Variants in AKR1E2 observed in about 807,000 individuals in gnomAD.
AKR1E2 encodes the protein aldo-keto reductase family 1 member E2.
AKR1E2 carries 43 observed loss-of-function variants against 41.9 expected under a neutral mutation model. The ratio of observed to expected loss-of-function variants is 1.03; its 90% CI spans 0.80 to 1.32. The LOEUF (loss-of-function observed/expected upper bound fraction) is 1.32. Ranked by LOEUF, AKR1E2 falls within the 40% of genes most tolerant of loss-of-function variation. AKR1E2 has a pLI of 0.00. For missense variants in AKR1E2, 423 were observed against 396.5 expected (o/e 1.07, Z -0.57); for synonymous variants, 121 against 138.9 (o/e 0.87, Z 0.91).
chr10:4,839,580 C>T lies in AKR1E2; in HGVS notation c.583-149C>T, dbSNP rs1240822132. The T allele has an allele frequency of 5.8e-6, 4 of 687,860 alleles. No homozygotes were observed. The Admixed American group carries it at 8.7e-5, about 15-fold the overall frequency. The allele number at this position is 687,860 out of a possible 1,614,324, so 42.6% of individuals were successfully genotyped here. A position where few individuals can be genotyped will look rare whatever the true frequency, so the allele number is the denominator to read the frequency against. ...CTGGCCTCTTGGAGATTGCTCTGTC[C>T]AGACTCCTCACAACAGAAACACTTA... On this transcript the variant is annotated intron_variant, in intron 5 of 9. Transcript: ENST00000298375.
chr10:4,839,856 G>C (rs1479747557), intron 6 of AKR1E2, 30 bp downstream of exon 6: 2 of 1,587,178 alleles, frequency 1.3e-6, no homozygotes, highest in African/African-American at 2.7e-5. Context: ...GTGTTAGTCA[G>C]AGTCCGACTG....
the AKR1E2 span, among the ~76,000 whole-genome samples, chr10:4,866,807 C>T: frequency 6.6e-6 from 1 of 151,910 alleles, no homozygotes; most frequent in African/African-American, 2.4e-5. Context: ...GAGATGAAAT[C>T]ACAGGGAGTC....
the AKR1E2 span, among the ~76,000 whole-genome samples, chr10:4,869,310 T>C: frequency 6.6e-6 from 1 of 152,172 alleles, no homozygotes; most frequent in Non-Finnish European, 1.5e-5. Flanking sequence ...GAAGTGTATG[T>C]GTGGAGTTGT....
chr10:4,835,639 TTTG>T lies in AKR1E2; in HGVS notation c.325-33_325-31del, dbSNP rs761798706. The T allele has an allele frequency of 0.041, 66,255 of 1,604,926 alleles. 1,163 individuals carry two copies. Among genetic ancestry groups the T allele is most frequent in the East Asian group, 0.12 (5,249 of 44,580 alleles). Reference sequence around the variant, plus strand: ...CATGGTTTTTTTTGTTTTGTTTTGTTTTGTTTTCACACATCTCAACTCTCCTTC... The same window carrying T: ...CATGGTTTTTTTTGTTTTGTTTTGTTTTTTCACACATCTCAACTCTCCTTC... On this transcript the variant is annotated intron_variant, in intron 3 of 9. Coordinates refer to ENST00000298375, the MANE Select transcript of AKR1E2 (RefSeq NM_001040177.3).
the AKR1E2 span, among the ~76,000 whole-genome samples, chr10:4,863,594 A>C: frequency 6.6e-6 from 1 of 152,156 alleles, no homozygotes; most frequent in Non-Finnish European, 1.5e-5. Flanking sequence ...AGCAGAAGGC[A>C]AGAAATAACT....
At position 4,826,370 on chromosome 10, in the gene AKR1E2, C is replaced by T. The variant is rs1437526839; in HGVS notation, c.39+7C>T. 1 of 1,234,166 alleles carries T rather than the reference C, an allele frequency of 8.1e-7. No individual in the cohort carries two copies. Among genetic ancestry groups the T allele is most frequent in the Non-Finnish European group, 1.0e-6 (1 of 987,274 alleles). The allele number at this position is 1,234,166 out of a possible 1,614,324, so 76.5% of individuals were successfully genotyped here. A position where few individuals can be genotyped will look rare whatever the true frequency, so the allele number is the denominator to read the frequency against. On this transcript the variant is annotated splice_region_variant and intron_variant, in intron 1 of 9. Coordinates refer to ENST00000298375, the MANE Select transcript of AKR1E2 (RefSeq NM_001040177.3). ...GGGCCTCAGCTCCTGGAAGGTGACG[C>T]GGTCGCGGGCAGGGAGGCGCGCCTG...
chr10:4,847,092 C>T lies in AKR1E2; in HGVS notation c.838-56C>T, dbSNP rs1037232820. 1.3e-5 allele frequency: 20 copies of T among 1,593,676 alleles called. No homozygotes were observed. In the African/African-American group the frequency reaches 2.5e-4, roughly 20 times the overall value. On this transcript the variant is annotated intron_variant, in intron 8 of 9. Coordinates refer to ENST00000298375, the MANE Select transcript of AKR1E2 (RefSeq NM_001040177.3). The stretch of plus-strand genomic sequence containing the variant: ...CACTGTGCTATGTAGGTAACATGTG[C>T]TCCATTAAATGTGAATTAAACTAAG...
chr10:4,859,817 C>T, the AKR1E2 span, among the ~76,000 whole-genome samples: 1 of 152,168 alleles, frequency 6.6e-6, no homozygotes, highest in African/African-American at 2.4e-5. Flanking sequence ...ATAGACAGGT[C>T]AGCAGTGGCT....
At chr10:4,826,693 A>T (rs1237056443) in intron 1 of AKR1E2, among the ~76,000 whole-genome samples, 1 of 152,116 alleles carries the variant, frequency 6.6e-6, no homozygotes, top group Non-Finnish European at 1.5e-5. Flanking sequence ...GTTACTCAGA[A>T]CTGGAGCGGG....
intron 1 of AKR1E2, among the ~76,000 whole-genome samples, chr10:4,829,211 C>G (rs1046981020): frequency 3.3e-5 from 5 of 152,050 alleles, no homozygotes; most frequent in African/African-American, 1.2e-4. Flanking sequence ...TGAATCTAAA[C>G]TGGTATTGAA....
chr10:4,838,396 G>T (rs1833605534), intron 5 of AKR1E2, among the ~76,000 whole-genome samples: 1 of 152,134 alleles, frequency 6.6e-6, no homozygotes, highest in African/African-American at 2.4e-5. Context: ...ATTTCTTGTG[G>T]TATTCTGTTT....
rs750739527 is a variant in AKR1E2, at chr10:4,830,730, G to T, written c.95G>T (p.Arg32Leu). The change falls in exon 2 of 10, where the codon CGG becomes CTG. Residue 32 changes from arginine (R) to leucine (L), a missense_variant. Transcript: ENST00000298375. ...AVKEAIDAGYRHFDCAYFYHN... is the reference protein window; with the variant it reads ...AVKEAIDAGYLHFDCAYFYHN... ...AAAGAGGCCATTGACGCAGGGTACCGGCACTTCGACTGTGCTTACTTTTAC... is the reference window on the plus strand; with the variant it reads ...AAAGAGGCCATTGACGCAGGGTACCTGCACTTCGACTGTGCTTACTTTTAC... 1 of 1,614,072 alleles carries T rather than the reference G, an allele frequency of 6.2e-7. No individual in the cohort carries two copies. Among genetic ancestry groups the T allele is most frequent in the Non-Finnish European group, 8.5e-7 (1 of 1,179,998 alleles).
the AKR1E2 span, among the ~76,000 whole-genome samples, chr10:4,859,813 AG>A: frequency 6.6e-6 from 1 of 152,232 alleles, no homozygotes; most frequent in Non-Finnish European, 1.5e-5. Flanking sequence ...GAGAATAGAC[AG>A]GTCAGCAGTG....
intron 3 of AKR1E2, among the ~76,000 whole-genome samples, chr10:4,835,367 C>T (rs937366602): frequency 1.5e-4 from 23 of 152,150 alleles, no homozygotes; most frequent in African/African-American, 1.9e-4. Context: ...ATTCTTTACC[C>T]GAAATTAGTA....
downstream of AKR1E2, among the ~76,000 whole-genome samples, chr10:4,852,506 A>G (rs1251647141): frequency 6.6e-6 from 1 of 152,228 alleles, no homozygotes; most frequent in Non-Finnish European, 1.5e-5. Context: ...GAAGGAGAAT[A>G]CCGTTAGCTA....
chr10:4,865,350 A>G, the AKR1E2 span, among the ~76,000 whole-genome samples: 1 of 152,334 alleles, frequency 6.6e-6, no homozygotes, highest in South Asian at 2.1e-4. Flanking sequence ...TTTATTCCTC[A>G]GAATAATCCT....
the AKR1E2 span, among the ~76,000 whole-genome samples, chr10:4,854,060 G>A: frequency 6.7e-6 from 1 of 149,902 alleles, no homozygotes; most frequent in Non-Finnish European, 1.5e-5. Context: ...TGTCTATGGA[G>A]TAGCCATTCT....
downstream of AKR1E2, among the ~76,000 whole-genome samples, chr10:4,848,575 T>G (rs150990500): frequency 6.6e-6 from 1 of 152,368 alleles, no homozygotes; most frequent in African/African-American, 2.4e-5. Flanking sequence ...AAGAAATTGA[T>G]GTCTACTCCA....
chr10:4,861,243 C>G, the AKR1E2 span, among the ~76,000 whole-genome samples: 1 of 152,090 alleles, frequency 6.6e-6, no homozygotes, highest in Non-Finnish European at 1.5e-5. Context: ...CTATTTCAAC[C>G]TTAAGAAAGA....
Sources: gnomAD v4.1 joint callset for allele counts (sites outside exome capture counted in the v4.1 genomes callset) on GRCh38, gnomAD v4.1.1 for gene constraint, MANE v1.5 for transcripts, NCBI Gene and HGNC (gene_info 2026-07-23, HGNC 2026-07-21) for gene names.